Variants in TMEM192 observed in about 807,000 individuals in gnomAD.
TMEM192 encodes the protein transmembrane protein 192.
In TMEM192, 20 loss-of-function variants were observed where a neutral mutation model predicts 26.7. The ratio of observed to expected loss-of-function variants is 0.75; its 90% CI spans 0.53 to 1.09. The LOEUF is 1.09. TMEM192 is among the 50% of genes least tolerant of loss of function. The probability of loss-of-function intolerance (pLI) is 0.00; values close to 1 mark genes in which losing one functional copy is unlikely to be tolerated. For missense variants in TMEM192, 304 were observed against 322.6 expected, an observed-to-expected ratio of 0.94 and a Z score of 0.44; for synonymous variants, 124 against 121.0, an observed-to-expected ratio of 1.02 and a Z score of -0.16.
At chr4:165,098,823 A>ATG (rs1734974137) in intron 3 of TMEM192, among the ~76,000 whole-genome samples, 1 of 151,402 alleles carries the variant, frequency 6.6e-6, no homozygotes, top group Non-Finnish European at 1.5e-5. Flanking sequence ...TCAGCCTCCC[A>ATG]AGTAGCTGGG....
chr4:165,085,983 C>T (rs955289173), intron 4 of TMEM192, among the ~76,000 whole-genome samples: 9 of 152,142 alleles, frequency 5.9e-5, no homozygotes, highest in African/African-American at 9.7e-5. Context: ...CCTATTACCC[C>T]GCAGTGAAGC....
intron 1 of TMEM192, among the ~76,000 whole-genome samples, 164 bp from the exon 2 acceptor site, chr4:165,103,260 TTTAA>T (rs1206731816): frequency 6.6e-6 from 1 of 151,978 alleles, no homozygotes; most frequent in Non-Finnish European, 1.5e-5. Flanking sequence ...ATTAATTTAA[TTTAA>T]TTAATTAAAA....
At chr4:165,088,815 G>C (rs779133586) in intron 3 of TMEM192, among the ~76,000 whole-genome samples, 1 of 151,898 alleles carries the variant, frequency 6.6e-6, no homozygotes, top group Non-Finnish European at 1.5e-5. Context: ...AAGACAAGAG[G>C]ATTGCTTGAG....
intron 5 of TMEM192, among the ~76,000 whole-genome samples, chr4:165,081,526 A>G (rs766777105): frequency 0.3 from 6,243 of 20,636 alleles, 1,816 homozygotes; most frequent in East Asian, 0.57. Context: ...TGGGACTATA[A>G]GCGCCCATCA....
At position 165,077,353 on chromosome 4, in the gene TMEM192, T is replaced by A. The variant is rs1195680388; in HGVS notation, c.*2305A>T. 1.3e-5 allele frequency: 2 copies of A among 152,140 alleles called. No homozygotes were observed. The highest frequency in any genetic ancestry group is 2.9e-5 in the Non-Finnish European group (2 of 68,032). 9.4% of individuals were successfully genotyped at this position (152,140 alleles called of 1,614,324 possible). A position where few individuals can be genotyped will look rare whatever the true frequency, so the allele number is the denominator to read the frequency against. ...ATCATCTACCACTGGTGTTCCCTTTTGAAAAGAAAAACAACTGAAGGCAAA... is the reference window on the plus strand; with the variant it reads ...ATCATCTACCACTGGTGTTCCCTTTAGAAAAGAAAAACAACTGAAGGCAAA... On this transcript the variant is annotated 3_prime_UTR_variant, in exon 6 of 6. Transcript: ENST00000306480.
Position 165,088,605 on chromosome 4 carries a change from G to A in TMEM192, c.440-3C>T. ...TATGAGGAGAAGCACTGTGTTGCCT[G>A]AGGAGGAGAAACATAAAACACAGCA... On this transcript the variant is annotated splice_region_variant and splice_polypyrimidine_tract_variant and intron_variant, in intron 3 of 5. Coordinates refer to ENST00000306480, the MANE Select transcript of TMEM192 (RefSeq NM_001100389.2). 1.2e-6 allele frequency: 2 copies of A among 1,607,596 alleles called. No individual in the cohort carries two copies. Among genetic ancestry groups the A allele is most frequent in the South Asian group, 2.2e-5 (2 of 89,984 alleles).
chr4:165,076,359 C>T lies in TMEM192; in HGVS notation c.*3299G>A, dbSNP rs765721410. 1.3e-5 allele frequency: 2 copies of T among 152,148 alleles called. No individual in the cohort carries two copies. Among genetic ancestry groups the T allele is most frequent in the Non-Finnish European group, 2.9e-5 (2 of 68,042 alleles). 9.4% of individuals were successfully genotyped at this position (152,148 alleles called of 1,614,324 possible). A position where few individuals can be genotyped will look rare whatever the true frequency, so the allele number is the denominator to read the frequency against. On this transcript the variant is annotated 3_prime_UTR_variant, in exon 6 of 6. Transcript: ENST00000306480. ...AAACTAAAACTGACATTGTCACTTC[C>T]TTGCTTGAAATGCTTCAGAGGATCC... is the stretch of plus-strand genomic sequence containing the variant.
intron 3 of TMEM192, among the ~76,000 whole-genome samples, chr4:165,092,858 C>CAGCA (rs1195375288): frequency 6.6e-6 from 1 of 151,420 alleles, no homozygotes; most frequent in Non-Finnish European, 1.5e-5. Context: ...TGAGCTATGA[C>CAGCA]AGCACTCCAG....
At position 165,100,697 on chromosome 4, in the gene TMEM192, G is replaced by A. The variant is rs371707606; in HGVS notation, c.370C>T (p.Arg124Ter). 3.1e-6 allele frequency: 5 copies of A among 1,614,034 alleles called. No homozygotes were observed. Among genetic ancestry groups the A allele is most frequent in the South Asian group, 1.1e-5 (1 of 91,078 alleles). ...IQYHHSKIRN[R>*]GYNLIYRSTR... ...GATCGGTAGATCAAGTTATAGCCTC[G>A]GTTTCTGATTTTGCTGTGGTGATAC... Residue 124 changes from arginine (R) to a stop codon, truncating the protein, a stop_gained, in exon 3 of 6, where the codon CGA (arginine) becomes TGA (stop). Coordinates refer to ENST00000306480, the MANE Select transcript of TMEM192 (RefSeq NM_001100389.2). LOFTEE classifies it high-confidence loss of function.
chr4:165,085,743 T>G, intron 4 of TMEM192, 55 bp from the exon 5 acceptor site: 1 of 1,310,048 alleles, frequency 7.6e-7, no homozygotes, highest in Admixed American at 2.1e-5. Context: ...TCTAGTTTCA[T>G]TTTTTCAAAT....
At chr4:165,108,614 G>A (rs1463047290) in intron 1 of TMEM192, among the ~76,000 whole-genome samples, 3 of 152,180 alleles carry the variant, frequency 2.0e-5, no homozygotes, top group African/African-American at 7.2e-5. Context: ...GCTTGTGGGT[G>A]AAATAGGCAG....
intron 3 of TMEM192, among the ~76,000 whole-genome samples, chr4:165,100,334 A>T (rs536363618): frequency 6.6e-6 from 1 of 151,866 alleles, no homozygotes; most frequent in Admixed American, 6.6e-5. Context: ...TAATTTTTGT[A>T]TTTTTAGTAG....
intron 3 of TMEM192, 115 bp from the exon 4 acceptor site, chr4:165,088,717 A>C (rs1734683837): frequency 1.0e-5 from 11 of 1,071,114 alleles, no homozygotes; most frequent in Non-Finnish European, 1.4e-5. Context: ...AAACACTTGT[A>C]ATTTCCTGAG....
At chr4:165,105,351 G>A (rs1239276408) in intron 1 of TMEM192, among the ~76,000 whole-genome samples, 5 of 152,160 alleles carry the variant, frequency 3.3e-5, no homozygotes, top group Non-Finnish European at 4.4e-5. Context: ...CAGGACATAC[G>A]GGGGATCAAC....
intron 1 of TMEM192, among the ~76,000 whole-genome samples, chr4:165,112,156 T>A (rs1300865783): frequency 6.6e-6 from 1 of 152,242 alleles, no homozygotes; most frequent in Non-Finnish European, 1.5e-5. Context: ...ATTCCTACCA[T>A]GCTAGATTCA....
chr4:165,091,139 C>T (rs868506131), intron 3 of TMEM192, among the ~76,000 whole-genome samples: 18 of 151,402 alleles, frequency 1.2e-4, no homozygotes, highest in African/African-American at 3.2e-4. Context: ...TGGTGGCGGG[C>T]GCCTGTAGTC....
chr4:165,085,492 G>T, intron 5 of TMEM192, 94 bp downstream of exon 5: 1 of 829,488 alleles, frequency 1.2e-6, no homozygotes, highest in Non-Finnish European at 1.9e-6. Flanking sequence ...AAATGTAAAA[G>T]TACAAATACA....
intron 1 of TMEM192, among the ~76,000 whole-genome samples, chr4:165,104,531 G>A (rs1735119251): frequency 6.6e-6 from 1 of 151,920 alleles, no homozygotes; most frequent in Admixed American, 6.6e-5. Context: ...TTGTTGTTTT[G>A]TTTGTTTGTT....
chr4:165,090,399 A>T (rs544071453), intron 3 of TMEM192, among the ~76,000 whole-genome samples: 1 of 151,426 alleles, frequency 6.6e-6, no homozygotes, highest in South Asian at 2.1e-4. Flanking sequence ...AAAAAAATCT[A>T]TTGAACAATG....
Sources: gnomAD v4.1 joint callset for allele counts (sites outside exome capture counted in the v4.1 genomes callset) on GRCh38, gnomAD v4.1.1 for gene constraint, MANE v1.5 for transcripts, NCBI Gene and HGNC (gene_info 2026-07-23, HGNC 2026-07-21) for gene names.